Variants in ATP10D observed in about 807,000 individuals in gnomAD.
ATP10D encodes the protein phospholipid-transporting ATPase VD.
In ATP10D, 89 loss-of-function variants were observed where a neutral mutation model predicts 144.8. That is an observed-to-expected ratio of 0.61 (90% confidence interval 0.52 to 0.73). The LOEUF (loss-of-function observed/expected upper bound fraction) is 0.73, where lower values mean the gene tolerates loss of function less well. Among genes scored for constraint, ATP10D ranks in the 30% least tolerant of loss-of-function variants. ATP10D has a pLI of 0.00. For missense variants in ATP10D, 1,603 were observed against 1,714.8 expected, an observed-to-expected ratio of 0.93 and a Z score of 1.15; for synonymous variants, 571 against 615.1, an observed-to-expected ratio of 0.93 and a Z score of 1.06.
chr4:47,574,754 AT>A (rs1429327323), intron 18 of ATP10D, among the ~76,000 whole-genome samples: 307 of 147,944 alleles, frequency 2.1e-3, no homozygotes, highest in African/African-American at 5.0e-3. Context: ...GATGACAATA[AT>A]TTTTTTTTTT....
intron 1 of ATP10D, chr4:47,491,529 G>A: frequency 2.0e-6 from 1 of 510,092 alleles, no homozygotes; most frequent in South Asian, 2.1e-5. Flanking sequence ...ATAAATGTCT[G>A]TATCATATCA....
chr4:47,503,374 T>C (rs1715819296), intron 1 of ATP10D, among the ~76,000 whole-genome samples: 1 of 152,188 alleles, frequency 6.6e-6, no homozygotes, highest in Admixed American at 6.5e-5. Flanking sequence ...TCATGTTTGC[T>C]GAGTAAATTG....
At chr4:47,586,663 T>A (rs1720805706) in intron 21 of ATP10D, among the ~76,000 whole-genome samples, 1 of 152,176 alleles carries the variant, frequency 6.6e-6, no homozygotes, top group Admixed American at 6.5e-5. Context: ...TGAGGTTCAC[T>A]GGGAGGAACC....
intron 1 of ATP10D, among the ~76,000 whole-genome samples, chr4:47,509,471 G>T (rs368498738): frequency 2.6e-5 from 4 of 152,230 alleles, no homozygotes; most frequent in African/African-American, 9.6e-5. Context: ...GTGATGTTTT[G>T]ATATGTGGAT....
At chr4:47,544,783 T>C (rs564480223) in intron 9 of ATP10D, among the ~76,000 whole-genome samples, 11 of 152,264 alleles carry the variant, frequency 7.2e-5, no homozygotes, top group Non-Finnish European at 1.3e-4. Flanking sequence ...ATTCTTCACT[T>C]CATAGAATAA....
chr4:47,578,884 T>G (rs187321802), intron 19 of ATP10D, among the ~76,000 whole-genome samples: 54 of 152,342 alleles, frequency 3.5e-4, no homozygotes, highest in Non-Finnish European at 7.3e-4. Flanking sequence ...AAGTATATTA[T>G]TCTAAAGAAT....
At chr4:47,531,364 G>A (rs1274947780) in intron 5 of ATP10D, among the ~76,000 whole-genome samples, 2 of 152,158 alleles carry the variant, frequency 1.3e-5, no homozygotes, top group Non-Finnish European at 2.9e-5. Flanking sequence ...AAACAATAAA[G>A]TGAAAAGAAT....
chr4:47,570,181 G>A (rs1577695935), intron 16 of ATP10D, among the ~76,000 whole-genome samples: 3 of 152,282 alleles, frequency 2.0e-5, no homozygotes, highest in Middle Eastern at 6.8e-3. Context: ...GGGCACAGCT[G>A]GGAGCAAAGG....
intron 1 of ATP10D, among the ~76,000 whole-genome samples, chr4:47,486,953 G>A (rs1714791226): frequency 2.0e-5 from 3 of 152,092 alleles, no homozygotes; most frequent in Non-Finnish European, 4.4e-5. Flanking sequence ...GAATAGGGCC[G>A]GGCGCAGTGG....
intron 17 of ATP10D, 65 bp from the exon 18 acceptor site, chr4:47,572,807 G>A (rs1052727983): frequency 6.2e-7 from 1 of 1,604,432 alleles, no homozygotes; most frequent in South Asian, 1.1e-5. Context: ...CCCAAGAATT[G>A]TGCTGTGTCT....
At chr4:47,573,162 G>C (rs1427467292) in intron 18 of ATP10D, among the ~76,000 whole-genome samples, 165 bp downstream of exon 18, 1 of 152,182 alleles carries the variant, frequency 6.6e-6, no homozygotes, top group African/African-American at 2.4e-5. Flanking sequence ...CTGGGAATGT[G>C]CTATGTTTCA....
chr4:47,499,057 TTATCTC>T (rs1715550260), intron 1 of ATP10D, among the ~76,000 whole-genome samples: 1 of 152,226 alleles, frequency 6.6e-6, no homozygotes, highest in Admixed American at 6.5e-5. Flanking sequence ...ACTTAACTGT[TTATCTC>T]TCGGTTAGTC....
Position 47,572,181 on chromosome 4 carries a change from T to C in ATP10D, c.3191T>C (p.Ile1064Thr). Residue 1064 changes from isoleucine to threonine, a missense_variant, in exon 17 of 23, where the codon ATA (isoleucine) becomes ACA (threonine). Physicochemically the swap from Ile to Thr is moderately conservative, Grantham distance 89. Coordinates refer to ENST00000273859, the MANE Select transcript of ATP10D (RefSeq NM_020453.4). ...IGDGANDVSM[I>T]QVADIGIGVS... is the part of the protein sequence containing the mutation. The stretch of plus-strand genomic sequence containing the variant: ...GATGGTGCCAATGATGTTAGCATGA[T>C]ACAAGTGGCAGACATTGGGATAGGG... 1.9e-6 allele frequency: 3 copies of C among 1,614,162 alleles called. No homozygotes were observed. Among genetic ancestry groups the C allele is most frequent in the Non-Finnish European group, 2.5e-6 (3 of 1,180,018 alleles).
chr4:47,587,596 A>G (rs1419916068), intron 22 of ATP10D, among the ~76,000 whole-genome samples: 1 of 152,098 alleles, frequency 6.6e-6, no homozygotes, highest in Non-Finnish European at 1.5e-5. Flanking sequence ...ATTGGCTCAC[A>G]GTTTTGGAGG....
chr4:47,515,674 A>C lies in ATP10D; in HGVS notation c.485+4A>C. The C allele has an allele frequency of 1.3e-6, 2 of 1,576,006 alleles. No individual in the cohort carries two copies. Among genetic ancestry groups the C allele is most frequent in the Non-Finnish European group, 1.7e-6 (2 of 1,146,666 alleles). On this transcript the variant is annotated splice_donor_region_variant and intron_variant, in intron 3 of 22. Transcript: ENST00000273859. Reference sequence around the variant, plus strand: ...TAATAACTAAAGTTTATAGTAGGTAAGTGTAATGGGACCTTTGCTAAGGAC... The same window carrying C: ...TAATAACTAAAGTTTATAGTAGGTACGTGTAATGGGACCTTTGCTAAGGAC...
rs1479504628 is a variant in ATP10D, at chr4:47,536,927, A to G, written c.1385A>G (p.His462Arg). The G allele has an allele frequency of 1.9e-6, 3 of 1,607,102 alleles. No individual in the cohort carries two copies. Among genetic ancestry groups the G allele is most frequent in the East Asian group, 2.2e-5 (1 of 44,834 alleles). Residue 462 changes from histidine to arginine, a missense_variant, in exon 9 of 23, where the codon CAT (histidine) becomes CGT (arginine). Transcript: ENST00000273859. The stretch of plus-strand genomic sequence containing the variant: ...AGTGTGGCAGGATTTGATTACTGCC[A>G]TGAAGAAAATGGTGAGTGTTGGATT... ...RCSVAGFDYC[H>R]EENARRLESY...
intron 1 of ATP10D, among the ~76,000 whole-genome samples, chr4:47,509,935 G>T (rs1462679440): frequency 7.8e-6 from 1 of 128,424 alleles, no homozygotes; most frequent in African/African-American, 3.1e-5. Flanking sequence ...TAGAACTTTT[G>T]TTTCAGGGGT....
At chr4:47,581,614 C>G (rs1010275570) in intron 20 of ATP10D, among the ~76,000 whole-genome samples, 1 of 152,060 alleles carries the variant, frequency 6.6e-6, no homozygotes, top group Admixed American at 6.5e-5. Context: ...GTATATTTTC[C>G]TAGGAAAGAT....
chr4:47,518,173 G>T (rs1206374577), intron 3 of ATP10D, among the ~76,000 whole-genome samples: 1 of 152,136 alleles, frequency 6.6e-6, no homozygotes, highest in East Asian at 1.9e-4. Flanking sequence ...AATTATGGGG[G>T]CTATTTAGCA....
Sources: allele counts gnomAD v4.1 joint callset (sites outside exome capture counted in the v4.1 genomes callset), GRCh38; gene constraint gnomAD v4.1.1; transcripts MANE v1.5; gene names NCBI Gene and HGNC (gene_info 2026-07-23, HGNC 2026-07-21).